Variants in AGPAT3 observed in about 807,000 individuals in gnomAD.
AGPAT3 encodes the protein 1-acyl-sn-glycerol-3-phosphate acyltransferase gamma.
Under a neutral mutation model 47.3 loss-of-function variants are expected in AGPAT3, and 5 were observed. The observed-to-expected ratio is 0.11, with a 90% confidence interval of 0.06 to 0.22. The LOEUF is 0.22. AGPAT3 is among the 10% of genes least tolerant of loss of function. AGPAT3 has a pLI of 1.00. For missense variants in AGPAT3, 315 were observed against 493.0 expected, an observed-to-expected ratio of 0.64 and a Z score of 3.42; for synonymous variants, 212 against 208.3, an observed-to-expected ratio of 1.02 and a Z score of -0.15.
In AGPAT3 at chr21:43,970,566, G is replaced by C; in HGVS notation, c.511-87G>C. ...TTCCACAAATTCAGCCACAACCTTT[G>C]CTGCCTGTCAGAGAGGCAGGCCTGG... is the stretch of plus-strand genomic sequence containing the variant. On this transcript the variant is annotated intron_variant, in intron 5 of 9. Coordinates refer to ENST00000291572, the MANE Select transcript of AGPAT3 (RefSeq NM_020132.5). The surrounding 1 kb of genome is among the most constrained non-coding windows in gnomAD (Gnocchi z 5.8). 2 of 1,425,230 alleles carry C rather than the reference G, an allele frequency of 1.4e-6. No individual in the cohort carries two copies. Among genetic ancestry groups the C allele is most frequent in the Non-Finnish European group, 1.9e-6 (2 of 1,037,062 alleles). 88.3% of individuals were successfully genotyped at this position (1,425,230 alleles called of 1,614,324 possible).
rs1290050129 is a variant in AGPAT3 at position 43,880,927 on chromosome 21, T to G, written c.-112+15582T>G. 6.6e-6 allele frequency among the ~76,000 whole-genome samples: 1 copy of G among 151,050 alleles called. No individual in the cohort carries two copies. The highest frequency in any genetic ancestry group is 1.5e-5 in the Non-Finnish European group (1 of 67,848). On this transcript the variant is annotated intron_variant, in intron 1 of 9. Coordinates refer to ENST00000291572, the MANE Select transcript of AGPAT3 (RefSeq NM_020132.5). This position sits in a 1 kb window ranked among gnomAD's most constrained non-coding sequence, Gnocchi z 4.5. ...CAAGGAAGATTTGTTTTCAGGCTGGTGGTTTGATTACAAGTTGGTCATTCT... is the reference window on the plus strand; with the variant it reads ...CAAGGAAGATTTGTTTTCAGGCTGGGGGTTTGATTACAAGTTGGTCATTCT...
chr21:43,871,368 G>A (rs1327247522), intron 1 of AGPAT3, among the ~76,000 whole-genome samples: 5 of 152,278 alleles, frequency 3.3e-5, no homozygotes, highest in South Asian at 2.1e-4. Context: ...GAAAAACAAC[G>A]TAACTCCACG....
intron 1 of AGPAT3, among the ~76,000 whole-genome samples, chr21:43,900,876 G>GT (rs2086333168): frequency 6.6e-6 from 1 of 152,138 alleles, no homozygotes; most frequent in Non-Finnish European, 1.5e-5. Flanking sequence ...CCAGAACAAA[G>GT]CCCGGAGATG....
At position 43,970,695 on chromosome 21, in the gene AGPAT3, C is replaced by T; in HGVS notation, c.553C>T (p.His185Tyr). 6.2e-7 allele frequency: 1 copy of T among 1,613,954 alleles called. No homozygotes were observed. The highest frequency in any genetic ancestry group is 1.3e-5 in the African/African-American group (1 of 75,038). Residue 185 changes from histidine (H) to tyrosine (Y), a missense_variant, in exon 6 of 10, where the codon CAC becomes TAC. By Grantham distance (83) the His-to-Tyr change is moderately conservative (BLOSUM62 2). Coordinates refer to ENST00000291572, the MANE Select transcript of AGPAT3 (RefSeq NM_020132.5). The surrounding 1 kb of genome is among the most constrained non-coding windows in gnomAD (Gnocchi z 5.8). ...GGGGACGCGCTTCACGGAGACCAAGCACCGCGTTAGCATGGAGGTGGCGGC... is the reference window on the plus strand; with the variant it reads ...GGGGACGCGCTTCACGGAGACCAAGTACCGCGTTAGCATGGAGGTGGCGGC... Reference protein sequence around the residue: ...CEGTRFTETKHRVSMEVAAAK... With the variant: ...CEGTRFTETKYRVSMEVAAAK...
intron 3 of AGPAT3, among the ~76,000 whole-genome samples, chr21:43,964,247 T>G (rs1057032319): frequency 6.6e-6 from 1 of 151,856 alleles, no homozygotes; most frequent in African/African-American, 2.4e-5. Flanking sequence ...TAGCCTGGCA[T>G]GGTGGTGGGC....
At chr21:43,897,104 G>T (rs1198494220) in intron 1 of AGPAT3, among the ~76,000 whole-genome samples, 1 of 151,896 alleles carries the variant, frequency 6.6e-6, no homozygotes, top group Non-Finnish European at 1.5e-5. Context: ...GGACCCTGCG[G>T]CCTTCCGCAG....
chr21:43,877,558 T>A (rs1262940151), intron 1 of AGPAT3, among the ~76,000 whole-genome samples: 1 of 152,174 alleles, frequency 6.6e-6, no homozygotes, highest in Non-Finnish European at 1.5e-5. Flanking sequence ...TTCTCCTGCC[T>A]CAGCTTCCTG....
chr21:43,874,650 TC>T (rs769227896), intron 1 of AGPAT3, among the ~76,000 whole-genome samples: 1 of 152,236 alleles, frequency 6.6e-6, no homozygotes, highest in African/African-American at 2.4e-5. Context: ...CAATTGTCCT[TC>T]CTGTGTCAGT....
At chr21:43,876,739 C>G (rs2085742144) in intron 1 of AGPAT3, among the ~76,000 whole-genome samples, 1 of 152,172 alleles carries the variant, frequency 6.6e-6, no homozygotes, top group Non-Finnish European at 1.5e-5. Flanking sequence ...CTAAAACTAC[C>G]TGGTGGAGGA....
intron 1 of AGPAT3, among the ~76,000 whole-genome samples, chr21:43,897,549 G>C (rs74569275): frequency 1.4e-5 from 2 of 139,444 alleles, no homozygotes; most frequent in African/African-American, 6.0e-5. Context: ...CATCCCAGAG[G>C]GGGCGGCCGG....
intron 1 of AGPAT3, among the ~76,000 whole-genome samples, chr21:43,878,231 A>G (rs2085777286): frequency 6.6e-6 from 1 of 152,152 alleles, no homozygotes. Flanking sequence ...CCTGCCTGGA[A>G]CACACTTTCT....
intron 1 of AGPAT3, among the ~76,000 whole-genome samples, chr21:43,903,409 A>G (rs1338988421): frequency 6.6e-6 from 1 of 152,182 alleles, no homozygotes; most frequent in Non-Finnish European, 1.5e-5. Flanking sequence ...ATGTTAGTGG[A>G]CGTCACCACA....
intron 3 of AGPAT3, among the ~76,000 whole-genome samples, chr21:43,961,739 G>A (rs1011862053): frequency 1.3e-5 from 2 of 149,814 alleles, no homozygotes; most frequent in Non-Finnish European, 3.0e-5. Flanking sequence ...TATGGAAAAC[G>A]GTGAGCGCGT....
At position 43,959,870 on chromosome 21, in the gene AGPAT3, G is replaced by T. The variant is rs766368458; in HGVS notation, c.178+11G>T. On this transcript the variant is annotated intron_variant, in intron 3 of 9. Transcript: ENST00000291572. Reference sequence around the variant, plus strand: ...ACTCACTCTGGAGCCGTGAGTGTCTGCTGGGCCAGTCCCTGCCGCCTGGGG... The same window carrying T: ...ACTCACTCTGGAGCCGTGAGTGTCTTCTGGGCCAGTCCCTGCCGCCTGGGG... The T allele has an allele frequency of 1.3e-6, 2 of 1,599,036 alleles. No homozygotes were observed. Among genetic ancestry groups the T allele is most frequent in the South Asian group, 2.2e-5 (2 of 90,304 alleles).
chr21:43,961,730 A>G (rs1238807803), intron 3 of AGPAT3, among the ~76,000 whole-genome samples: 1 of 148,024 alleles, frequency 6.8e-6, no homozygotes, highest in Non-Finnish European at 1.5e-5. Flanking sequence ...TTTGTCTCAT[A>G]TGGAAAACGG....
chr21:43,939,360 A>G lies in AGPAT3; in HGVS notation c.-48-20274A>G, dbSNP rs2087570858. Among the ~76,000 whole-genome samples the G allele has an allele frequency of 6.6e-6, 1 of 152,082 alleles. No individual in the cohort carries two copies. Reference sequence around the variant, plus strand: ...CCTCCCGCGCCCCAGGAGGTTTCCCAGGGCGATGCTCTGGTCCCTGGGTCC... The same window carrying G: ...CCTCCCGCGCCCCAGGAGGTTTCCCGGGGCGATGCTCTGGTCCCTGGGTCC... On this transcript the variant is annotated intron_variant, in intron 2 of 9. Transcript: ENST00000291572. The surrounding 1 kb of genome is among the most constrained non-coding windows in gnomAD (Gnocchi z 4.4).
chr21:43,905,217 T>C (rs2086464699), intron 2 of AGPAT3, among the ~76,000 whole-genome samples: 1 of 151,414 alleles, frequency 6.6e-6, no homozygotes, highest in South Asian at 2.1e-4. Flanking sequence ...TTTGAGACAG[T>C]CTGGCTCTGT....
chr21:43,875,195 T>G (rs927390545), intron 1 of AGPAT3, among the ~76,000 whole-genome samples: 4 of 152,210 alleles, frequency 2.6e-5, no homozygotes, highest in African/African-American at 9.6e-5. Context: ...TTGGCCAGGC[T>G]GGTTTTGAAC....
Position 43,970,884 on chromosome 21 carries a change from G to A in AGPAT3, c.664+78G>A. The A allele has an allele frequency of 3.6e-6, 4 of 1,125,372 alleles. No individual in the cohort carries two copies. Among genetic ancestry groups the A allele is most frequent in the South Asian group, 3.6e-5 (2 of 55,622 alleles). 69.7% of individuals were successfully genotyped at this position (1,125,372 alleles called of 1,614,324 possible). A position where few individuals can be genotyped will look rare whatever the true frequency, so the allele number is the denominator to read the frequency against. On this transcript the variant is annotated intron_variant, in intron 6 of 9. Transcript: ENST00000291572. This position sits in a 1 kb window ranked among gnomAD's most constrained non-coding sequence, Gnocchi z 5.8. ...TGATTTCTTTAAAAAAAAAAAAAATGAGTGCATTCCATGTGAAACACAGAA... is the reference window on the plus strand; with the variant it reads ...TGATTTCTTTAAAAAAAAAAAAAATAAGTGCATTCCATGTGAAACACAGAA...
Sources: gnomAD v4.1 joint callset for allele counts (sites outside exome capture counted in the v4.1 genomes callset) on GRCh38, gnomAD v4.1.1 for gene constraint, Gnocchi (gnomAD v3.1) non-coding constraint, MANE v1.5 for transcripts, NCBI Gene and HGNC (gene_info 2026-07-23, HGNC 2026-07-21) for gene names.